Variants in LRP1B observed in about 807,000 individuals in gnomAD.
The protein encoded by LRP1B is low-density lipoprotein receptor-related protein 1B.
Under a neutral mutation model 556.6 loss-of-function variants are expected in LRP1B, and 217 were observed. That is an observed-to-expected ratio of 0.39 (90% CI 0.35 to 0.44). The LOEUF is 0.44. Among genes scored for constraint, LRP1B ranks in the 20% least tolerant of loss-of-function variants. The pLI, the probability that LRP1B is intolerant of heterozygous loss-of-function variation, is 1.00. For missense variants in LRP1B, 5,053 were observed against 5,620.8 expected, an observed-to-expected ratio of 0.90 and a Z score of 3.23; for synonymous variants, 2,047 against 1,865.8, an observed-to-expected ratio of 1.10 and a Z score of -2.50.
chr2:141,795,870 A>G (rs1695789874), intron 2 of LRP1B, among the ~76,000 whole-genome samples: 1 of 75,154 alleles, frequency 1.3e-5, no homozygotes, highest in African/African-American at 5.0e-5. Flanking sequence ...ATATATATAT[A>G]TATATATATA....
chr2:142,118,201 CACTT>C (rs1467281843), intron 1 of LRP1B, among the ~76,000 whole-genome samples: 6 of 152,064 alleles, frequency 3.9e-5, no homozygotes, highest in African/African-American at 9.7e-5. Flanking sequence ...ACTCAACTCT[CACTT>C]ACATAGTGAC....
rs145168319 is a variant in LRP1B at position 141,459,045 on chromosome 2, C to T, written c.343+21351G>A. Among the ~76,000 whole-genome samples, 61 of 152,228 alleles carry T rather than the reference C, an allele frequency of 4.0e-4. No homozygotes were observed. The East Asian group carries it at 7.7e-3, about 19-fold the overall frequency. On this transcript the variant is annotated intron_variant, in intron 3 of 90. Transcript: ENST00000389484. ...GCAGTCCAGAAACACCCTGATTCAC[C>T]GTGTCAGTTTCTGATCAATTAAATT... is the stretch of plus-strand genomic sequence containing the variant.
At chr2:141,986,904 C>A (rs559458497) in intron 1 of LRP1B, among the ~76,000 whole-genome samples, 1 of 151,892 alleles carries the variant, frequency 6.6e-6, no homozygotes, top group African/African-American at 2.4e-5. Flanking sequence ...ATAAAGTTGC[C>A]GTTACAGCAT....
intron 1 of LRP1B, among the ~76,000 whole-genome samples, chr2:141,941,290 C>T (rs1700792640): frequency 6.6e-6 from 1 of 152,068 alleles, no homozygotes. Flanking sequence ...ATTTACAAGC[C>T]CCAGTAGCAA....
chr2:140,431,525 C>G (rs951127410), intron 66 of LRP1B, among the ~76,000 whole-genome samples: 2 of 152,132 alleles, frequency 1.3e-5, no homozygotes, highest in African/African-American at 4.8e-5. Context: ...CACTGTTTCT[C>G]CAAGCCATCA....
At chr2:140,891,728 A>T (rs952060626) in intron 23 of LRP1B, among the ~76,000 whole-genome samples, 4 of 152,194 alleles carry the variant, frequency 2.6e-5, no homozygotes, top group Non-Finnish European at 5.9e-5. Context: ...AGGTAGGCAG[A>T]GGGAATAGAA....
chr2:141,502,382 CT>C (rs1430278067), intron 2 of LRP1B, among the ~76,000 whole-genome samples: 1 of 152,108 alleles, frequency 6.6e-6, no homozygotes, highest in African/African-American at 2.4e-5. Flanking sequence ...AATTTGTTTG[CT>C]CATGAATATT....
At chr2:140,752,710 T>C (rs1253533599) in intron 35 of LRP1B, among the ~76,000 whole-genome samples, 4 of 152,248 alleles carry the variant, frequency 2.6e-5, no homozygotes, top group Non-Finnish European at 4.4e-5. Flanking sequence ...CAAATTATTT[T>C]TTAAATATAC....
intron 3 of LRP1B, among the ~76,000 whole-genome samples, chr2:141,464,596 A>ATTTTTTTTTTT (rs1402968531): frequency 2.7e-4 from 9 of 33,388 alleles, no homozygotes; most frequent in African/African-American, 5.7e-4. Context: ...ATATATATAT[A>ATTTTTTTTTTT]TATATATATA....
intron 2 of LRP1B, among the ~76,000 whole-genome samples, chr2:141,639,626 C>T (rs935974236): frequency 1.3e-5 from 2 of 151,370 alleles, no homozygotes; most frequent in Non-Finnish European, 2.9e-5. Flanking sequence ...AATATAATAA[C>T]AATGTATACA....
intron 3 of LRP1B, among the ~76,000 whole-genome samples, chr2:141,411,556 T>C (rs1471999465): frequency 6.6e-6 from 1 of 152,150 alleles, no homozygotes; most frequent in African/African-American, 2.4e-5. Context: ...TCAGACTTGC[T>C]TGGATAGATG....
chr2:141,397,030 T>C (rs1690260786), intron 3 of LRP1B, among the ~76,000 whole-genome samples: 1 of 142,008 alleles, frequency 7.0e-6, no homozygotes, highest in South Asian at 2.3e-4. Context: ...AGAGAATCGC[T>C]TGAACCTGGG....
At chr2:140,540,562 T>C (rs926230760) in intron 45 of LRP1B, among the ~76,000 whole-genome samples, 2 of 152,110 alleles carry the variant, frequency 1.3e-5, no homozygotes, top group African/African-American at 4.8e-5. Context: ...CTCATTTACA[T>C]ACTATGATGG....
rs531118050 is a variant in LRP1B at position 140,867,634 on chromosome 2, T to C, written c.4535A>G (p.Gln1512Arg). The C allele has an allele frequency of 1.9e-6, 3 of 1,613,554 alleles. No individual in the cohort carries two copies. The highest frequency in any genetic ancestry group is 1.3e-5 in the African/African-American group (1 of 74,988). Residue 1512 changes from glutamine to arginine, a missense_variant, in exon 27 of 91, where the codon CAG becomes CGG. Gln to Arg is a conservative substitution (Grantham distance 43). Transcript: ENST00000389484. ...NVSVIQKTSA[Q>R]PFDLQIYHPS... ...ATGGTATATCTGAAGGTCAAATGGCTGTGCACTGGTTTTCTGAATCACACT... is the reference window on the plus strand; with the variant it reads ...ATGGTATATCTGAAGGTCAAATGGCCGTGCACTGGTTTTCTGAATCACACT...
chr2:141,536,178 A>T (rs1022278880), intron 2 of LRP1B, among the ~76,000 whole-genome samples: 1 of 152,120 alleles, frequency 6.6e-6, no homozygotes, highest in Admixed American at 6.6e-5. Flanking sequence ...TAAATAAGAA[A>T]GACTATTTCA....
At chr2:140,449,772 G>T (rs1440467230) in intron 63 of LRP1B, among the ~76,000 whole-genome samples, 1 of 152,166 alleles carries the variant, frequency 6.6e-6, no homozygotes, top group Non-Finnish European at 1.5e-5. Context: ...TTCTGTCTTT[G>T]TGTAGTACAA....
At chr2:141,924,332 C>T (rs1470179623) in intron 1 of LRP1B, among the ~76,000 whole-genome samples, 1 of 151,994 alleles carries the variant, frequency 6.6e-6, no homozygotes, top group Non-Finnish European at 1.5e-5. Flanking sequence ...GATCATCTTC[C>T]CACTCCATCC....
chr2:140,657,736 G>T (rs1684943541), intron 41 of LRP1B, among the ~76,000 whole-genome samples: 1 of 150,654 alleles, frequency 6.6e-6, no homozygotes, highest in Admixed American at 6.6e-5. Context: ...ATCTATTGAG[G>T]TATTATTTTA....
chr2:140,691,046 A>T (rs2105398835), intron 41 of LRP1B, among the ~76,000 whole-genome samples: 1 of 152,294 alleles, frequency 6.6e-6, no homozygotes, highest in Middle Eastern at 3.4e-3. Flanking sequence ...CTAAAAGTTG[A>T]TTTTTTAGCC....
Sources: gnomAD v4.1 joint callset for allele counts (sites outside exome capture counted in the v4.1 genomes callset) on GRCh38, gnomAD v4.1.1 for gene constraint, MANE v1.5 for transcripts, NCBI Gene and HGNC (gene_info 2026-07-23, HGNC 2026-07-21) for gene names.